The following ALK variants were observed in gnomAD, a reference collection of about 807,000 sequenced individuals.
The protein encoded by ALK is ALK tyrosine kinase receptor.
Under a neutral mutation model 163.1 loss-of-function variants are expected in ALK, and 74 were observed. That is an observed-to-expected ratio of 0.45 (90% CI 0.38 to 0.55). ALK has a LOEUF of 0.55. ALK is among the 20% of genes least tolerant of loss of function. The pLI is 0.00. For synonymous variants in ALK, 960 were observed against 843.2 expected, an observed-to-expected ratio of 1.14 and a Z score of -2.40; for missense variants, 2,063 against 2,105.3, an observed-to-expected ratio of 0.98 and a Z score of 0.39.
chr2:29,603,121 A>G (rs181710122), intron 3 of ALK, among the ~76,000 whole-genome samples: 2 of 152,312 alleles, frequency 1.3e-5, no homozygotes, highest in African/African-American at 4.8e-5. Context: ...CGTCTGGGTT[A>G]AGATAAGGGG....
chr2:29,400,144 T>A (rs1220995902), intron 4 of ALK, among the ~76,000 whole-genome samples: 1 of 152,218 alleles, frequency 6.6e-6, no homozygotes, highest in Non-Finnish European at 1.5e-5. Context: ...TGGTGTCAGG[T>A]ACATCATCTC....
chr2:29,441,321 TCA>T (rs1670538350), intron 4 of ALK, among the ~76,000 whole-genome samples: 1 of 152,224 alleles, frequency 6.6e-6, no homozygotes, highest in Non-Finnish European at 1.5e-5. Flanking sequence ...TCTGGGGGAA[TCA>T]CAGAGTGGGC....
At chr2:29,219,801 C>T (rs900783713) in intron 23 of ALK, among the ~76,000 whole-genome samples, 1 of 152,190 alleles carries the variant, frequency 6.6e-6, no homozygotes, top group Admixed American at 6.5e-5. Context: ...GTCTAATGGC[C>T]AAGTTGGAGC....
At chr2:29,339,473 C>T (rs1667727601) in intron 5 of ALK, among the ~76,000 whole-genome samples, 1 of 152,058 alleles carries the variant, frequency 6.6e-6, no homozygotes, top group Non-Finnish European at 1.5e-5. Flanking sequence ...AGGCCAAGGC[C>T]CAACCAGGCA....
At chr2:29,519,334 G>A (rs1043600443) in intron 4 of ALK, among the ~76,000 whole-genome samples, 1 of 152,106 alleles carries the variant, frequency 6.6e-6, no homozygotes, top group African/African-American at 2.4e-5. Context: ...TACTTTTAAG[G>A]TTCATTTCTG....
chr2:29,720,390 A>C (rs1008715967), intron 1 of ALK, among the ~76,000 whole-genome samples: 1 of 152,138 alleles, frequency 6.6e-6, no homozygotes, highest in Non-Finnish European at 1.5e-5. Context: ...GGTTGAAAAA[A>C]AGCAGAAAGT....
intron 3 of ALK, among the ~76,000 whole-genome samples, chr2:29,559,510 A>T (rs1393704135): frequency 6.6e-6 from 1 of 152,160 alleles, no homozygotes; most frequent in African/African-American, 2.4e-5. Flanking sequence ...CACATTCTTA[A>T]TATTTGCCAT....
At chr2:29,490,267 G>C (rs76557571) in intron 4 of ALK, among the ~76,000 whole-genome samples, 5 of 152,232 alleles carry the variant, frequency 3.3e-5, no homozygotes, top group African/African-American at 1.2e-4. Flanking sequence ...GCGGAGGAGG[G>C]GCTAACACTC....
intron 5 of ALK, among the ~76,000 whole-genome samples, chr2:29,376,721 G>C (rs1034140225): frequency 2.6e-5 from 4 of 152,226 alleles, no homozygotes; most frequent in African/African-American, 9.6e-5. Context: ...AAAATGCCCA[G>C]TTTGGGCCAG....
intron 4 of ALK, among the ~76,000 whole-genome samples, chr2:29,475,180 C>T (rs114022529): frequency 0.012 from 1,836 of 152,206 alleles, 30 homozygotes; most frequent in African/African-American, 0.041. Flanking sequence ...AGGCAGTGGG[C>T]GAGGTCAGAG....
chr2:29,386,084 C>T (rs1669025230), intron 4 of ALK, among the ~76,000 whole-genome samples: 1 of 152,244 alleles, frequency 6.6e-6, no homozygotes, highest in South Asian at 2.1e-4. Context: ...AGACCATCCA[C>T]CATCTCTTTC....
At chr2:29,344,306 T>C (rs976211778) in intron 5 of ALK, among the ~76,000 whole-genome samples, 3 of 152,202 alleles carry the variant, frequency 2.0e-5, no homozygotes, top group African/African-American at 4.8e-5. Flanking sequence ...ATTCTTCTCA[T>C]GAGTCGGGCA....
At position 29,508,706 on chromosome 2, in the gene ALK, AC is replaced by A. The variant is rs1299670787; in HGVS notation, c.1154+23208del. ...AAACTTAGAGTATAATAAAAAAAAAACCCAAAAAAATCCCATATCTGCAACT... is the reference window on the plus strand; with the variant it reads ...AAACTTAGAGTATAATAAAAAAAAAACCAAAAAAATCCCATATCTGCAACT... On this transcript the variant is annotated intron_variant, in intron 4 of 28. Coordinates refer to ENST00000389048, the MANE Select transcript of ALK (RefSeq NM_004304.5). 1.3e-3 allele frequency among the ~76,000 whole-genome samples: 166 copies of A among 126,346 alleles called. 1 individual carries two copies. The East Asian group carries it at 0.03, about 23-fold the overall frequency. The allele number at this position is 126,346 out of a possible 152,430, so 82.9% of individuals were successfully genotyped here. A position where few individuals can be genotyped will look rare whatever the true frequency, so the allele number is the denominator to read the frequency against.
chr2:29,210,012 A>G, intron 24 of ALK, 134 bp from the exon 25 acceptor site: 1 of 727,692 alleles, frequency 1.4e-6, no homozygotes, highest in Non-Finnish European at 2.4e-6. Flanking sequence ...TTAGTATAGT[A>G]TACTTCAGTG....
At chr2:29,288,258 ATTTGCATAGGC>A (rs1362879503) in intron 9 of ALK, among the ~76,000 whole-genome samples, 2 of 152,136 alleles carry the variant, frequency 1.3e-5, no homozygotes, top group African/African-American at 2.4e-5. Context: ...CTAATGTGCT[ATTTGCATAGGC>A]TTTAGGCTCA....
chr2:29,396,673 TCAAAAACAAAAA>T (rs528264545), intron 4 of ALK, among the ~76,000 whole-genome samples: 1 of 151,844 alleles, frequency 6.6e-6, no homozygotes, highest in African/African-American at 2.4e-5. Flanking sequence ...AGACTCCATC[TCAAAAACAAAAA>T]CAAAAACAAA....
chr2:29,732,913 T>C (rs918875318), intron 1 of ALK, among the ~76,000 whole-genome samples: 3 of 131,826 alleles, frequency 2.3e-5, no homozygotes, highest in Admixed American at 7.9e-5. Context: ...TTTTTTTTTT[T>C]TAAGCAGCCT....
rs1316090764 is a variant in ALK at position 29,396,353 on chromosome 2, T to A, written c.1155-12494A>T. On this transcript the variant is annotated intron_variant, in intron 4 of 28. Coordinates refer to ENST00000389048, the MANE Select transcript of ALK (RefSeq NM_004304.5). ...CTTCAGCCCGAGGAGGGGTCCATTC[T>A]ACACCCCGTGTCAGGAATAATCTCT... Among the ~76,000 whole-genome samples the A allele has an allele frequency of 5.3e-5, 8 of 152,164 alleles. No individual in the cohort carries two copies. In the East Asian group the frequency reaches 1.3e-3, roughly 26 times the overall value.
chr2:29,470,470 T>C (rs1485908007), intron 4 of ALK, among the ~76,000 whole-genome samples: 1 of 152,098 alleles, frequency 6.6e-6, no homozygotes, highest in Non-Finnish European at 1.5e-5. Context: ...AAAGGAAATC[T>C]TTAAAATAGC....
Sources: gnomAD v4.1 joint callset for allele counts (sites outside exome capture counted in the v4.1 genomes callset) on GRCh38, gnomAD v4.1.1 for gene constraint, MANE v1.5 for transcripts, NCBI Gene and HGNC (gene_info 2026-07-23, HGNC 2026-07-21) for gene names.